The following ULK1 variants were observed in gnomAD, a reference collection of about 807,000 sequenced individuals.
The protein encoded by ULK1 is serine/threonine-protein kinase ULK1.
In ULK1, 48 loss-of-function variants were observed where a neutral mutation model predicts 117.5. The observed-to-expected ratio is 0.41, with a 90% CI of 0.32 to 0.52. The LOEUF is 0.52. Among genes scored for constraint, ULK1 ranks in the 20% least tolerant of loss-of-function variants. The pLI, the probability that ULK1 is intolerant of heterozygous loss-of-function variation, is 0.29. For synonymous variants in ULK1, 790 were observed against 637.8 expected (o/e 1.24, Z -3.60); for missense variants, 1,387 against 1,473.4 (o/e 0.94, Z 0.96).
intron 23 of ULK1, 149 bp from the exon 24 acceptor site, chr12:131,919,063 G>T: frequency 1.1e-5 from 9 of 794,428 alleles, no homozygotes; most frequent in Middle Eastern, 3.8e-4. Flanking sequence ...TGTGTGGGGT[G>T]TCGGGCGTGG....
Position 131,920,076 on chromosome 12 carries a change from C to T in ULK1, c.2901C>T (p.Leu967=), listed in dbSNP as rs1198264485. Reference sequence around the variant, plus strand: ...GCTTCTTCCTGGACAAGCAGCGGCTCCTGGACCGCATTCACAGCATCACTG... The same window carrying T: ...GCTTCTTCCTGGACAAGCAGCGGCTTCTGGACCGCATTCACAGCATCACTG... ...LQRFFLDKQR[L]LDRIHSITAE... Residue 967 remains leucine, a synonymous_variant, in exon 26 of 28, where the codon CTC becomes CTT. Coordinates refer to ENST00000321867, the MANE Select transcript of ULK1 (RefSeq NM_003565.4). 2 of 1,612,836 alleles carry T rather than the reference C, an allele frequency of 1.2e-6. No individual in the cohort carries two copies. The highest frequency in any genetic ancestry group is 1.7e-5 in the Admixed American group (1 of 60,024).
chr12:131,906,712 CAG>C lies in ULK1; in HGVS notation c.247-178_247-177del, dbSNP rs1889290917. On this transcript the variant is annotated intron_variant, in intron 3 of 27. Coordinates refer to ENST00000321867, the MANE Select transcript of ULK1 (RefSeq NM_003565.4). ...GATGGAGACCTGGCTGGCCACAAAA[CAG>C]AACACACCCACCTACAAAGCACGTG... 5 of 719,004 alleles carry C rather than the reference CAG, an allele frequency of 7.0e-6. No homozygotes were observed. The Admixed American group carries it at 9.2e-5, about 13-fold the overall frequency. The allele number at this position is 719,004 out of a possible 1,614,324, so 44.5% of individuals were successfully genotyped here.
chr12:131,921,009 A>G, intron 26 of ULK1, 91 bp from the exon 27 acceptor site: 1 of 1,456,038 alleles, frequency 6.9e-7, no homozygotes, highest in Non-Finnish European at 9.1e-7. Flanking sequence ...CCTATCTGCC[A>G]CCCCTGGGCC....
Position 131,902,104 on chromosome 12 carries a change from G to C in ULK1, c.247-4788G>C, listed in dbSNP as rs1889115865. The stretch of plus-strand genomic sequence containing the variant: ...AGCCCCAGGAGGCCCATACACAATG[G>C]GCGGCTGCAGGTGGTTCCCCAGGGC... On this transcript the variant is annotated intron_variant, in intron 3 of 27. Coordinates refer to ENST00000321867, the MANE Select transcript of ULK1 (RefSeq NM_003565.4). This position sits in a 1 kb window ranked among gnomAD's most constrained non-coding sequence, Gnocchi z 6.3. 6.6e-6 allele frequency among the ~76,000 whole-genome samples: 1 copy of C among 152,172 alleles called. No homozygotes were observed. Among genetic ancestry groups the C allele is most frequent in the Non-Finnish European group, 1.5e-5 (1 of 68,012 alleles).
In ULK1 at chr12:131,906,665, C is replaced by T; in HGVS notation, c.247-227C>T. ...AGGAGCTGTTGCTCTTATGGGGGGA[C>T]CAGGGGCCTTTGCCTTGATCAGATG... On this transcript the variant is annotated intron_variant, in intron 3 of 27. Transcript: ENST00000321867. The T allele has an allele frequency of 6.7e-6, 4 of 598,902 alleles. 1 individual carries two copies. Among genetic ancestry groups the T allele is most frequent in the South Asian group, 5.8e-5 (3 of 51,582 alleles). The allele number at this position is 598,902 out of a possible 1,614,324, so 37.1% of individuals were successfully genotyped here.
At chr12:131,919,907 G>A (rs1344122112) in intron 25 of ULK1, 72 bp from the exon 26 acceptor site, 68 of 1,566,340 alleles carry the variant, frequency 4.3e-5, no homozygotes, top group Non-Finnish European at 5.8e-5. Context: ...CAGTGCACCG[G>A]GCAGATCATG....
chr12:131,909,773 A>G lies in ULK1; in HGVS notation c.667-2A>G. ...GCAGTCAGGCTGTCCCCGTCCCCGC[A>G]GGCCAGCAGCCCCCAGGACCTGCGC... On this transcript the variant is annotated splice_acceptor_variant, in intron 8 of 27. Coordinates refer to ENST00000321867, the MANE Select transcript of ULK1 (RefSeq NM_003565.4). LOFTEE classifies it high-confidence loss of function. The G allele has an allele frequency of 6.2e-7, 1 of 1,604,462 alleles. No homozygotes were observed. Among genetic ancestry groups the G allele is most frequent in the Non-Finnish European group, 8.5e-7 (1 of 1,176,036 alleles).
intron 3 of ULK1, among the ~76,000 whole-genome samples, chr12:131,904,438 G>A (rs750612633): frequency 1.3e-5 from 2 of 152,188 alleles, no homozygotes; most frequent in Non-Finnish European, 2.9e-5. Context: ...ATGAGCCACC[G>A]TACCCGGCCA....
chr12:131,912,855 G>A (rs758138070), intron 13 of ULK1, among the ~76,000 whole-genome samples: 1 of 152,190 alleles, frequency 6.6e-6, no homozygotes, highest in Non-Finnish European at 1.5e-5. Context: ...CCCAGACTTA[G>A]GGCTGTAGAT....
At chr12:131,900,301 G>A (rs1422597170) in intron 3 of ULK1, among the ~76,000 whole-genome samples, 3 of 152,168 alleles carry the variant, frequency 2.0e-5, no homozygotes, top group African/African-American at 7.2e-5. Flanking sequence ...CATGTTGTTT[G>A]TTGACTGTTG....
intron 3 of ULK1, among the ~76,000 whole-genome samples, chr12:131,905,499 A>G (rs1484666617): frequency 6.6e-6 from 1 of 152,130 alleles, no homozygotes; most frequent in Non-Finnish European, 1.5e-5. Flanking sequence ...CAGGGGTAGA[A>G]GTGGGATGGC....
intron 11 of ULK1, 115 bp from the exon 12 acceptor site, chr12:131,910,597 G>A: frequency 6.2e-7 from 1 of 1,601,664 alleles, no homozygotes; most frequent in Non-Finnish European, 8.5e-7. Flanking sequence ...CTGCTGGTCG[G>A]GGTGTAGCCG....
At chr12:131,906,377 C>G (rs927166786) in intron 3 of ULK1, 1 of 158,918 alleles carries the variant, frequency 6.3e-6, no homozygotes, top group Non-Finnish European at 1.4e-5. Context: ...GTGTGAGCCA[C>G]TGCACCTGTT....
chr12:131,917,512 G>C lies in ULK1; in HGVS notation c.2284G>C (p.Gly762Arg). 1 of 1,468,420 alleles carries C rather than the reference G, an allele frequency of 6.8e-7. No homozygotes were observed. Among genetic ancestry groups the C allele is most frequent in the Middle Eastern group, 1.9e-4 (1 of 5,294 alleles). The allele number at this position is 1,468,420 out of a possible 1,614,324, so 91.0% of individuals were successfully genotyped here. A position where few individuals can be genotyped will look rare whatever the true frequency, so the allele number is the denominator to read the frequency against. ...VVFTVGSPPS[G>R]STPPQGPRTR... is the part of the protein sequence containing the mutation. ...CTTCACCGTGGGCTCTCCCCCGAGCGGGAGCACGCCCCCCCAGGGCCCCCG... is the reference window on the plus strand; with the variant it reads ...CTTCACCGTGGGCTCTCCCCCGAGCCGGAGCACGCCCCCCCAGGGCCCCCG... The change falls in exon 22 of 28, where the codon GGG (glycine) becomes CGG (arginine). Residue 762 changes from glycine (G) to arginine (R), a missense_variant. Gly to Arg is a moderately radical substitution (Grantham distance 125). Transcript: ENST00000321867.
Position 131,913,184 on chromosome 12 carries a change from G to A in ULK1, c.1097-14G>A. 6.4e-7 allele frequency: 1 copy of A among 1,566,440 alleles called. No homozygotes were observed. Among genetic ancestry groups the A allele is most frequent in the East Asian group, 2.4e-5 (1 of 41,090 alleles). On this transcript the variant is annotated splice_polypyrimidine_tract_variant and intron_variant, in intron 13 of 27. Coordinates refer to ENST00000321867, the MANE Select transcript of ULK1 (RefSeq NM_003565.4). ...CGGCAAGGACTCCAGGCCCAGCCTT[G>A]TCTCCCCCTGCAGGTGACCTGGTGG...
At chr12:131,904,751 C>T (rs1366045848) in intron 3 of ULK1, among the ~76,000 whole-genome samples, 1 of 152,028 alleles carries the variant, frequency 6.6e-6, no homozygotes, top group Non-Finnish European at 1.5e-5. Context: ...CAGGTGGCCC[C>T]CAGAGAGGAG....
rs761847191 is a variant in ULK1 at position 131,909,943 on chromosome 12, G to C, written c.750G>C (p.Pro250=). The C allele has an allele frequency of 6.2e-6, 10 of 1,611,826 alleles. No individual in the cohort carries two copies. Among genetic ancestry groups the C allele is most frequent in the Non-Finnish European group, 8.5e-6 (10 of 1,179,780 alleles). Residue 250 remains proline (P), a synonymous_variant, in exon 10 of 28, where the codon CCG becomes CCC. Transcript: ENST00000321867. ...GCATCCCCCGGGAGACCTCGGCCCC[G>C]CTGCGGCAGCTGCTCCTGGCCCTAC... ...VPTIPRETSA[P]LRQLLLALLQ...
chr12:131,920,945 C>T (rs1890124379), intron 26 of ULK1, 155 bp from the exon 27 acceptor site: 3 of 1,092,872 alleles, frequency 2.7e-6, no homozygotes, highest in East Asian at 5.2e-5. Flanking sequence ...TGACCATCCC[C>T]TCTGCACAGC....
rs1188501920 is a variant in ULK1 at position 131,909,192 on chromosome 12, C to T, written c.621C>T (p.Ile207=). The change falls in exon 8 of 28, where the codon ATC becomes ATT. Residue 207 remains isoleucine (I), a synonymous_variant. Transcript: ENST00000321867. ...ACGGGAAGGCGGACCTGTGGAGCAT[C>T]GGCACCATCGTCTACCAGTGCCTGA... ...HYDGKADLWS[I]GTIVYQCLTG... The T allele has an allele frequency of 2.5e-6, 4 of 1,609,966 alleles. No individual in the cohort carries two copies. Among genetic ancestry groups the T allele is most frequent in the Non-Finnish European group, 1.7e-6 (2 of 1,178,688 alleles).
Sources: gnomAD v4.1 joint callset for allele counts (sites outside exome capture counted in the v4.1 genomes callset) on GRCh38, gnomAD v4.1.1 for gene constraint, Gnocchi (gnomAD v3.1) non-coding constraint, MANE v1.5 for transcripts, NCBI Gene and HGNC (gene_info 2026-07-23, HGNC 2026-07-21) for gene names.